WDR25: variants seen among roughly 807,000 people sequenced by gnomAD.
The protein encoded by WDR25 is WD repeat domain 25.
A neutral mutation model predicts 47.7 loss-of-function variants in WDR25; 35 were observed. The ratio of observed to expected loss-of-function variants is 0.73; its 90% confidence interval spans 0.56 to 0.97. The LOEUF is 0.97. Ranked by LOEUF, WDR25 falls within the 50% of genes least tolerant of loss-of-function variation. The probability of loss-of-function intolerance (pLI) is 0.00; values close to 1 mark genes in which losing one functional copy is unlikely to be tolerated. For missense variants in WDR25, 634 were observed against 704.7 expected, an observed-to-expected ratio of 0.90 and a Z score of 1.14; for synonymous variants, 248 against 278.9, an observed-to-expected ratio of 0.89 and a Z score of 1.10.
In WDR25 at chr14:100,380,994, A is replaced by G. The variant is rs2140135851; in HGVS notation, c.70A>G (p.Thr24Ala). The change falls in exon 2 of 7, where the codon ACA becomes GCA. Residue 24 changes from threonine (T) to alanine (A), a missense_variant. Coordinates refer to ENST00000402312, the MANE Select transcript of WDR25 (RefSeq NM_001161476.3). ...TGATGATTCGGACTCGGAGGCTGAG[A>G]CAGAGCATGCAGGAAGTTTTAATGC... ...AYDDSDSEAE[T>A]EHAGSFNATG... is the part of the protein sequence containing the mutation. The G allele has an allele frequency of 6.2e-7, 1 of 1,614,210 alleles. No homozygotes were observed. The highest frequency in any genetic ancestry group is 1.7e-5 in the Admixed American group (1 of 60,024).
rs1326917066 is a variant in WDR25 at position 100,523,745 on chromosome 14, C to T, written c.1102-2125C>T. Among the ~76,000 whole-genome samples the T allele has an allele frequency of 1.3e-5, 2 of 152,100 alleles. No individual in the cohort carries two copies. The highest frequency in any genetic ancestry group is 2.9e-5 in the Non-Finnish European group (2 of 68,016). ...ACATAACCCCTGCATGTGTCATGAT[C>T]GATCTTCTGCTTTCCCCAAGACCAT... On this transcript the variant is annotated intron_variant, in intron 4 of 6. Coordinates refer to ENST00000402312, the MANE Select transcript of WDR25 (RefSeq NM_001161476.3). The surrounding 1 kb of genome is among the most constrained non-coding windows in gnomAD (Gnocchi z 4.7).
chr14:100,378,889 CG>C (rs1315301884), intron 1 of WDR25, among the ~76,000 whole-genome samples: 2 of 28,852 alleles, frequency 6.9e-5, no homozygotes, highest in African/African-American at 1.6e-4. Context: ...ACCCGGGAGG[CG>C]GAGCTTGCAG....
chr14:100,528,186 T>C (rs923662146), intron 5 of WDR25, among the ~76,000 whole-genome samples: 2 of 152,092 alleles, frequency 1.3e-5, no homozygotes, highest in African/African-American at 4.8e-5. Flanking sequence ...CACAAACTTA[T>C]TCCCTCACAG....
chr14:100,501,296 T>G (rs924376420), intron 4 of WDR25, among the ~76,000 whole-genome samples: 1 of 152,196 alleles, frequency 6.6e-6, no homozygotes, highest in Non-Finnish European at 1.5e-5. Flanking sequence ...ACTTAGAGTG[T>G]TCAATAAATG....
chr14:100,456,281 C>T (rs1899201663), intron 2 of WDR25, among the ~76,000 whole-genome samples: 1 of 152,152 alleles, frequency 6.6e-6, no homozygotes, highest in Non-Finnish European at 1.5e-5. Context: ...GAGTTCAAGG[C>T]TGCAGTGAGC....
intron 2 of WDR25, among the ~76,000 whole-genome samples, chr14:100,403,576 G>C (rs2140175587): frequency 6.6e-6 from 1 of 152,330 alleles, no homozygotes. Flanking sequence ...GGAGATAGCA[G>C]CCCTGAGTAG....
At chr14:100,489,391 A>G (rs1900489142) in intron 4 of WDR25, among the ~76,000 whole-genome samples, 1 of 152,210 alleles carries the variant, frequency 6.6e-6, no homozygotes. Context: ...CAGTGTGGGG[A>G]ATGTTCCAAG....
chr14:100,416,667 T>C (rs533972046), intron 2 of WDR25, among the ~76,000 whole-genome samples: 1 of 152,370 alleles, frequency 6.6e-6, no homozygotes, highest in South Asian at 2.1e-4. Context: ...GTCTCCAGAC[T>C]GCATAAATGG....
intron 5 of WDR25, among the ~76,000 whole-genome samples, chr14:100,527,658 C>G (rs899432246): frequency 1.3e-5 from 2 of 152,170 alleles, no homozygotes; most frequent in East Asian, 1.9e-4. Context: ...CCTCCAGGAG[C>G]CCAGGGGAAG....
chr14:100,466,820 G>A (rs1899646395), intron 2 of WDR25, among the ~76,000 whole-genome samples: 1 of 152,238 alleles, frequency 6.6e-6, no homozygotes, highest in South Asian at 2.1e-4. Flanking sequence ...GTGACAAGAA[G>A]GTAGGGGACT....
At position 100,440,550 on chromosome 14, in the gene WDR25, G is replaced by A. The variant is rs1317346890; in HGVS notation, c.823-27471G>A. 6.6e-6 allele frequency among the ~76,000 whole-genome samples: 1 copy of A among 152,244 alleles called. No homozygotes were observed. The highest frequency in any genetic ancestry group is 2.4e-5 in the African/African-American group (1 of 41,476). The stretch of plus-strand genomic sequence containing the variant: ...CTGGAGGCTGTGCTGAGCACTGAGG[G>A]ACACTGGGAGAAAAACACAGGCTCC... On this transcript the variant is annotated intron_variant, in intron 2 of 6. Transcript: ENST00000402312. This position sits in a 1 kb window ranked among gnomAD's most constrained non-coding sequence, Gnocchi z 4.4.
At chr14:100,379,623 G>A (rs1242983765) in intron 1 of WDR25, among the ~76,000 whole-genome samples, 1 of 151,822 alleles carries the variant, frequency 6.6e-6, no homozygotes, top group Non-Finnish European at 1.5e-5. Flanking sequence ...CCTGACCTCA[G>A]GTGATCCACC....
chr14:100,380,367 A>G (rs1896851190), intron 1 of WDR25, among the ~76,000 whole-genome samples: 1 of 152,090 alleles, frequency 6.6e-6, no homozygotes, highest in South Asian at 2.1e-4. Context: ...GTCTTCATGT[A>G]GGTCTTGCTT....
At chr14:100,402,823 T>G (rs1404519392) in intron 2 of WDR25, among the ~76,000 whole-genome samples, 2 of 152,122 alleles carry the variant, frequency 1.3e-5, no homozygotes, top group African/African-American at 4.8e-5. Context: ...GAGAAATTAC[T>G]AACACCTCGT....
intron 2 of WDR25, among the ~76,000 whole-genome samples, chr14:100,439,215 C>G (rs1898592213): frequency 6.6e-6 from 1 of 152,258 alleles, no homozygotes; most frequent in South Asian, 2.1e-4. Context: ...TGTGAGGCAC[C>G]TGGCACTTGG....
At position 100,456,987 on chromosome 14, in the gene WDR25, G is replaced by A. The variant is rs749175231; in HGVS notation, c.823-11034G>A. On this transcript the variant is annotated intron_variant, in intron 2 of 6. Transcript: ENST00000402312. ...TTTTCTTTTTTTTTGAGACGGAGTCGCACTCTGTCTCCCAGGCTGAAATGC... is the reference window on the plus strand; with the variant it reads ...TTTTCTTTTTTTTTGAGACGGAGTCACACTCTGTCTCCCAGGCTGAAATGC... 7.2e-5 allele frequency among the ~76,000 whole-genome samples: 11 copies of A among 151,824 alleles called. No individual in the cohort carries two copies. The East Asian group carries it at 9.7e-4, about 13-fold the overall frequency.
intron 2 of WDR25, among the ~76,000 whole-genome samples, chr14:100,385,924 G>T (rs1418598877): frequency 6.6e-6 from 1 of 152,114 alleles, no homozygotes; most frequent in Non-Finnish European, 1.5e-5. Flanking sequence ...ATGCTCCCAT[G>T]TACAGAACCC....
chr14:100,467,994 C>T, intron 2 of WDR25, 27 bp from the exon 3 acceptor site: 5 of 1,611,466 alleles, frequency 3.1e-6, no homozygotes, highest in Non-Finnish European at 4.2e-6. Context: ...TGTTGTGACA[C>T]CTGGTGCTGT....
At chr14:100,420,555 G>T (rs1464305663) in intron 2 of WDR25, among the ~76,000 whole-genome samples, 1 of 152,282 alleles carries the variant, frequency 6.6e-6, no homozygotes, top group East Asian at 1.9e-4. Flanking sequence ...TAGCTTCTGT[G>T]CAGTTAGTTT....
Sources: gnomAD v4.1 joint callset for allele counts (sites outside exome capture counted in the v4.1 genomes callset) on GRCh38, gnomAD v4.1.1 for gene constraint, Gnocchi (gnomAD v3.1) non-coding constraint, MANE v1.5 for transcripts, NCBI Gene and HGNC (gene_info 2026-07-23, HGNC 2026-07-21) for gene names.